Variants in USP24 observed in about 807,000 individuals in gnomAD.
USP24 encodes the protein ubiquitin specific peptidase 24, also known as ubiquitin carboxyl-terminal hydrolase 24.
In USP24, 97 loss-of-function variants were observed where a neutral mutation model predicts 361.6. The ratio of observed to expected loss-of-function variants is 0.27; its 90% confidence interval spans 0.23 to 0.32. USP24 has a LOEUF of 0.32. Among genes scored for constraint, USP24 ranks in the 10% least tolerant of loss-of-function variants. The pLI, the probability that USP24 is intolerant of heterozygous loss-of-function variation, is 1.00. For missense variants in USP24, 2,353 were observed against 3,165.6 expected (o/e 0.74, Z 6.16); for synonymous variants, 1,098 against 1,124.6 (o/e 0.98, Z 0.47).
At position 55,154,295 on chromosome 1, in the gene USP24, C is replaced by T. The variant is rs763770041; in HGVS notation, c.1651-15G>A. 1 of 1,598,372 alleles carries T rather than the reference C, an allele frequency of 6.3e-7. No individual in the cohort carries two copies. Among genetic ancestry groups the T allele is most frequent in the Non-Finnish European group, 8.5e-7 (1 of 1,172,074 alleles). ...ACGTCTAAAACCTACAATAATATTA[C>T]ATATGATCAGCCAGCCAATATGCAA... is the stretch of plus-strand genomic sequence containing the variant. On this transcript the variant is annotated splice_polypyrimidine_tract_variant and intron_variant, in intron 14 of 67. Transcript: ENST00000294383.
chr1:55,202,462 T>C lies in USP24; in HGVS notation c.324+12328A>G, dbSNP rs184292949. On this transcript the variant is annotated intron_variant, in intron 1 of 67. Transcript: ENST00000294383. ...CTCTGTCACCCAAGTTGCAGTGCAG[T>C]GGTGCGATCTCGGCTCACTGCAAAC... is the stretch of plus-strand genomic sequence containing the variant. Among the ~76,000 whole-genome samples the C allele has an allele frequency of 2.1e-3, 321 of 152,096 alleles. 6 individuals carry two copies. Among genetic ancestry groups the C allele is most frequent in the Admixed American group, 0.015 (236 of 15,262 alleles).
At chr1:55,097,571 A>G in intron 48 of USP24, 27 bp downstream of exon 48, 1 of 1,524,516 alleles carries the variant, frequency 6.6e-7, no homozygotes, top group Admixed American at 2.4e-5. Flanking sequence ...AATGGTTGTG[A>G]AAAATTTCAG....
chr1:55,123,556 A>G lies in USP24; in HGVS notation c.4167T>C (p.His1389=). The G allele has an allele frequency of 1.2e-6, 2 of 1,601,208 alleles. No homozygotes were observed. The highest frequency in any genetic ancestry group is 1.3e-5 in the African/African-American group (1 of 74,802). ...SGSEGEPVAL[H]AGICVRQQSV... ...ACTGTTGTCGAACACAGATTCCCGC[A>G]TGCAGGGCTACTGGTTCTCCTTCAC... Residue 1389 remains histidine, a synonymous_variant, in exon 36 of 68, where the codon CAT becomes CAC. Transcript: ENST00000294383.
At chr1:55,082,938 G>T (rs983446841) in intron 58 of USP24, among the ~76,000 whole-genome samples, 2 of 151,968 alleles carry the variant, frequency 1.3e-5, no homozygotes, top group African/African-American at 4.8e-5. Context: ...TGACTTAAAA[G>T]AACCACCACC....
intron 51 of USP24, 44 bp downstream of exon 51, chr1:55,095,211 C>A (rs547273193): frequency 6.2e-7 from 1 of 1,601,494 alleles, no homozygotes; most frequent in Non-Finnish European, 8.5e-7. Flanking sequence ...ACCACATCAT[C>A]ACCATAGAAA....
At chr1:55,166,815 G>A (rs184353114) in intron 5 of USP24, among the ~76,000 whole-genome samples, 1 of 152,238 alleles carries the variant, frequency 6.6e-6, no homozygotes, top group African/African-American at 2.4e-5. Flanking sequence ...TGATGGAACT[G>A]CCACAATGTG....
chr1:55,071,770 A>AG (rs765691312), intron 67 of USP24, 44 bp downstream of exon 67: 2 of 1,547,486 alleles, frequency 1.3e-6, no homozygotes. Context: ...AAAGCTTAAG[A>AG]GCAAGGCTGC....
chr1:55,175,008 A>C (rs1056418745), intron 3 of USP24, among the ~76,000 whole-genome samples: 5 of 152,254 alleles, frequency 3.3e-5, no homozygotes, highest in African/African-American at 1.2e-4. Flanking sequence ...GGATGAGCTA[A>C]TCTAAAATGA....
At chr1:55,150,508 G>A (rs954961073) in intron 16 of USP24, among the ~76,000 whole-genome samples, 4 of 152,112 alleles carry the variant, frequency 2.6e-5, no homozygotes, top group African/African-American at 9.7e-5. Context: ...AATAAAAACT[G>A]TAAGGTTTAT....
chr1:55,077,256 G>T lies in USP24; in HGVS notation c.7359C>A (p.Phe2453Leu). The T allele has an allele frequency of 6.4e-7, 1 of 1,560,544 alleles. No individual in the cohort carries two copies. The highest frequency in any genetic ancestry group is 1.2e-5 in the South Asian group (1 of 83,712). The change falls in exon 62 of 68, where the codon TTC becomes TTA. Residue 2453 changes from phenylalanine (F) to leucine (L), a missense_variant. Around this residue, in one of 8 missense-constraint regions of USP24, gnomAD observed 598 missense variants for 761.9 expected, o/e 0.78. Transcript: ENST00000294383. Reference protein sequence around the residue: ...TAPPHELKNTFQLLHEILVIE... With the variant: ...TAPPHELKNTLQLLHEILVIE... Reference sequence around the variant, plus strand: ...TTACCAATATTTCATGAAGTAGTTGGAACGTATTCTTTAACTCATGAGGTG... The same window carrying T: ...TTACCAATATTTCATGAAGTAGTTGTAACGTATTCTTTAACTCATGAGGTG...
intron 5 of USP24, 102 bp from the exon 6 acceptor site, chr1:55,166,705 A>G: frequency 8.6e-7 from 1 of 1,157,534 alleles, no homozygotes; most frequent in East Asian, 2.6e-5. Context: ...GAAAAATTAT[A>G]AAAGTTTGGA....
At chr1:55,112,703 G>A (rs935768086) in intron 38 of USP24, among the ~76,000 whole-genome samples, 3 of 152,120 alleles carry the variant, frequency 2.0e-5, no homozygotes, top group African/African-American at 7.2e-5. Flanking sequence ...CAATTTTAGA[G>A]TAAGTGCAAT....
chr1:55,214,604 AC>A (rs1644936521), intron 1 of USP24, among the ~76,000 whole-genome samples, 185 bp downstream of exon 1: 1 of 146,592 alleles, frequency 6.8e-6, no homozygotes, highest in Admixed American at 6.8e-5. Context: ...CTCCCCACTT[AC>A]CCCCAATCAA....
At chr1:55,166,729 G>C in intron 5 of USP24, 126 bp from the exon 6 acceptor site, 1 of 946,336 alleles carries the variant, frequency 1.1e-6, no homozygotes, top group Non-Finnish European at 1.6e-6. Flanking sequence ...TATTTTCAAA[G>C]TTTTTTTCCC....
At chr1:55,124,976 T>C (rs1321706364) in intron 34 of USP24, among the ~76,000 whole-genome samples, 1 of 152,204 alleles carries the variant, frequency 6.6e-6, no homozygotes, top group Non-Finnish European at 1.5e-5. Context: ...TCTCCAACTT[T>C]CTAAGTACTT....
At position 55,138,699 on chromosome 1, in the gene USP24, C is replaced by T. The variant is rs754017134; in HGVS notation, c.2837G>A (p.Arg946Gln). The T allele has an allele frequency of 4.3e-6, 7 of 1,612,328 alleles. No homozygotes were observed. Among genetic ancestry groups the T allele is most frequent in the Non-Finnish European group, 5.9e-6 (7 of 1,179,104 alleles). ...ITIEDFYSVPRTILPHGASFH... is the reference protein window; with the variant it reads ...ITIEDFYSVPQTILPHGASFH... ...TGAGGCACCATGAGGTAGAATAGTT[C>T]GTGGAACAGAGTAAAAATCCTTAAA... The change falls in exon 26 of 68, where the codon CGA (arginine) becomes CAA (glutamine). Residue 946 changes from arginine to glutamine, a missense_variant. By Grantham distance (43) the Arg-to-Gln change is conservative (BLOSUM62 1). Transcript: ENST00000294383.
chr1:55,108,117 G>A (rs1306587196), intron 39 of USP24, among the ~76,000 whole-genome samples: 1 of 152,094 alleles, frequency 6.6e-6, no homozygotes. Context: ...AAGGGTATAA[G>A]GAGAATCAAC....
At chr1:55,152,198 T>A (rs1647218167) in intron 16 of USP24, among the ~76,000 whole-genome samples, 1 of 152,220 alleles carries the variant, frequency 6.6e-6, no homozygotes, top group South Asian at 2.1e-4. Flanking sequence ...AGTATTTCTT[T>A]ACTGGGAGCA....
At chr1:55,136,368 G>A (rs1041794710) in intron 28 of USP24, among the ~76,000 whole-genome samples, 1 of 152,128 alleles carries the variant, frequency 6.6e-6, no homozygotes, top group East Asian at 1.9e-4. Flanking sequence ...ACATTAGGAA[G>A]GCCCTGAAGG....
Sources: allele counts gnomAD v4.1 joint callset (sites outside exome capture counted in the v4.1 genomes callset), GRCh38; gene constraint gnomAD v4.1.1; regional missense constraint gnomAD v4.1.1; transcripts MANE v1.5; gene names NCBI Gene and HGNC (gene_info 2026-07-23, HGNC 2026-07-21).